KLHDC4: variants seen among roughly 807,000 people sequenced by gnomAD.
KLHDC4 encodes the protein kelch domain-containing protein 4.
KLHDC4 carries 90 observed loss-of-function variants against 62.4 expected under a neutral mutation model. The observed-to-expected ratio is 1.44, with a 90% CI of 1.22 to 1.72. KLHDC4 has a LOEUF of 1.72. Ranked by LOEUF, KLHDC4 falls within the 40% of genes most tolerant of loss-of-function variation. The probability of loss-of-function intolerance (pLI) is 0.00; values close to 1 mark genes in which losing one functional copy is unlikely to be tolerated. For synonymous variants in KLHDC4, 386 were observed against 284.4 expected (o/e 1.36, Z -3.59); for missense variants, 1,025 against 699.7 (o/e 1.47, Z -5.25).
At chr16:87,715,220 C>T (rs1293736032) in intron 7 of KLHDC4, among the ~76,000 whole-genome samples, 1 of 151,930 alleles carries the variant, frequency 6.6e-6, no homozygotes, top group African/African-American at 2.4e-5. Flanking sequence ...GGGCCCCCAT[C>T]CATTTCCATC....
At chr16:87,727,172 G>A (rs1013332020) in intron 6 of KLHDC4, among the ~76,000 whole-genome samples, 1 of 93,176 alleles carries the variant, frequency 1.1e-5, no homozygotes, top group African/African-American at 5.0e-5. Context: ...CTGGAGACAG[G>A]GCAACATTTT....
chr16:87,709,009 G>A (rs909395149), intron 10 of KLHDC4, among the ~76,000 whole-genome samples: 1 of 152,232 alleles, frequency 6.6e-6, no homozygotes, highest in African/African-American at 2.4e-5. Flanking sequence ...AGCAGCAGAT[G>A]CACCCGTGTC....
At chr16:87,716,637 C>A (rs1400664575) in intron 7 of KLHDC4, among the ~76,000 whole-genome samples, 1 of 152,100 alleles carries the variant, frequency 6.6e-6, no homozygotes, top group Admixed American at 6.5e-5. Flanking sequence ...TGTTAGAAAC[C>A]AAGAAACCAG....
chr16:87,716,490 C>T (rs942312446), intron 7 of KLHDC4, among the ~76,000 whole-genome samples: 1 of 152,162 alleles, frequency 6.6e-6, no homozygotes, highest in Non-Finnish European at 1.5e-5. Context: ...GTGACTTGCA[C>T]CATCTTTGTG....
At chr16:87,764,214 C>CT (rs1314201571) in intron 1 of KLHDC4, among the ~76,000 whole-genome samples, 1 of 152,192 alleles carries the variant, frequency 6.6e-6, no homozygotes, top group Non-Finnish European at 1.5e-5. Context: ...CAGACGCCCA[C>CT]TTATTTTAAA....
chr16:87,750,086 C>A (rs550060466), intron 4 of KLHDC4, among the ~76,000 whole-genome samples: 1 of 152,276 alleles, frequency 6.6e-6, no homozygotes, highest in East Asian at 1.9e-4. Flanking sequence ...CCCTCCGTGG[C>A]CCACTCCCTC....
intron 1 of KLHDC4, among the ~76,000 whole-genome samples, 165 bp downstream of exon 1, chr16:87,765,627 C>T (rs1217159761): frequency 2.0e-5 from 3 of 152,142 alleles, no homozygotes; most frequent in Admixed American, 2.0e-4. Flanking sequence ...CGGGCCCCGT[C>T]TGGGCTGCCC....
rs969809422 is a variant in KLHDC4 at position 87,748,829 on chromosome 16, A to G, written c.370-20T>C. On this transcript the variant is annotated intron_variant, in intron 4 of 11. Transcript: ENST00000270583. ...CACCGCCTGTGAAAAGAAAGGTGAC[A>G]GGTCAGGGCACAGCCACACAGCAGA... 1.2e-6 allele frequency: 2 copies of G among 1,611,086 alleles called. No individual in the cohort carries two copies. Among genetic ancestry groups the G allele is most frequent in the African/African-American group, 1.4e-5 (1 of 73,918 alleles).
intron 4 of KLHDC4, among the ~76,000 whole-genome samples, chr16:87,749,254 C>T (rs575251443): frequency 2.6e-5 from 4 of 152,106 alleles, no homozygotes; most frequent in Admixed American, 6.6e-5. Context: ...ACAATGTGCA[C>T]GTAAAAGAAA....
At chr16:87,720,345 TG>T (rs1389205169) in intron 7 of KLHDC4, among the ~76,000 whole-genome samples, 1 of 152,068 alleles carries the variant, frequency 6.6e-6, no homozygotes, top group Non-Finnish European at 1.5e-5. Flanking sequence ...CGGACGTGTG[TG>T]AACACAGAAA....
At chr16:87,701,790 C>T (rs1296460384) in exon 1 of KLHDC4, 12 of 456,654 alleles carry the variant, frequency 2.6e-5, no homozygotes, top group East Asian at 6.9e-5. Context: ...ATCCTTCTCC[C>T]GTCTGTGCCC....
At chr16:87,754,254 G>A (rs141396558) in intron 4 of KLHDC4, among the ~76,000 whole-genome samples, 1,974 of 152,240 alleles carry the variant, frequency 0.013, 16 homozygotes, top group Non-Finnish European at 0.022. Context: ...GCTGGGGCAG[G>A]AGAATCACTT....
rs2043396560 is a variant in KLHDC4 at position 87,748,550 on chromosome 16, C to G, written c.506+123G>C. Reference sequence around the variant, plus strand: ...TCCCAGGACCCAGCGAGGCTGGGCTCCAGGACTGTGACCCAAGTTCCTCTG... The same window carrying G: ...TCCCAGGACCCAGCGAGGCTGGGCTGCAGGACTGTGACCCAAGTTCCTCTG... On this transcript the variant is annotated intron_variant, in intron 5 of 11. Transcript: ENST00000270583. 6 of 1,276,832 alleles carry G rather than the reference C, an allele frequency of 4.7e-6. No individual in the cohort carries two copies. In the East Asian group the frequency reaches 1.4e-4, roughly 30 times the overall value. The allele number at this position is 1,276,832 out of a possible 1,614,324, so 79.1% of individuals were successfully genotyped here.
At chr16:87,758,513 A>G (rs1431098258) in intron 2 of KLHDC4, among the ~76,000 whole-genome samples, 1 of 152,212 alleles carries the variant, frequency 6.6e-6, no homozygotes, top group Admixed American at 6.5e-5. Context: ...ACAGTGACAG[A>G]AAGTTGACCA....
chr16:87,706,084 C>T (rs1319198416), downstream of KLHDC4, among the ~76,000 whole-genome samples: 1 of 149,822 alleles, frequency 6.7e-6, no homozygotes, highest in African/African-American at 2.5e-5. Flanking sequence ...CAAGCTGTAG[C>T]CCTTGCGGGG....
intron 1 of KLHDC4, among the ~76,000 whole-genome samples, chr16:87,763,864 T>C (rs752489550): frequency 2.6e-5 from 4 of 152,080 alleles, no homozygotes; most frequent in Non-Finnish European, 4.4e-5. Context: ...AAAGTGACAA[T>C]AAGCTGAATG....
chr16:87,707,599 C>T (rs897430697), downstream of KLHDC4, among the ~76,000 whole-genome samples: 2 of 152,142 alleles, frequency 1.3e-5, no homozygotes, highest in African/African-American at 4.8e-5. Context: ...CAGTCAGGGC[C>T]CTCTTCTGGT....
intron 1 of KLHDC4, 26 bp downstream of exon 1, chr16:87,765,766 C>A (rs369878776): frequency 1.3e-6 from 2 of 1,555,780 alleles, no homozygotes; most frequent in African/African-American, 1.4e-5. Flanking sequence ...GACGTCGGGC[C>A]GCTAAGCCCG....
chr16:87,730,500 C>G (rs1327214257), intron 6 of KLHDC4, 52 bp downstream of exon 6: 1 of 1,387,372 alleles, frequency 7.2e-7, no homozygotes, highest in Non-Finnish European at 1.0e-6. Flanking sequence ...CTATAAAAAG[C>G]CCACTCCTTA....
Sources: gnomAD v4.1 joint callset for allele counts (sites outside exome capture counted in the v4.1 genomes callset) on GRCh38, gnomAD v4.1.1 for gene constraint, MANE v1.5 for transcripts, NCBI Gene and HGNC (gene_info 2026-07-23, HGNC 2026-07-21) for gene names.